Variants in USP9X observed in about 807,000 individuals in gnomAD.
The protein encoded by USP9X is ubiquitin carboxyl-terminal hydrolase 9X.
In USP9X, 7 loss-of-function variants were observed where a neutral mutation model predicts 190.3. That is an observed-to-expected ratio of 0.04 (90% CI 0.02 to 0.07). The LOEUF is 0.07. USP9X is among the 10% of genes least tolerant of loss of function. The probability of loss-of-function intolerance (pLI) is 1.00; values close to 1 mark genes in which losing one functional copy is unlikely to be tolerated. For synonymous variants in USP9X, 645 were observed against 659.5 expected (o/e 0.98, Z 0.34); for missense variants, 1,010 against 1,916.9 (o/e 0.53, Z 8.83).
chrX:41,097,752 A>G (rs1448048739), intron 1 of USP9X, among the ~76,000 whole-genome samples: 1 of 111,650 alleles, frequency 9.0e-6, no homozygotes, highest in Non-Finnish European at 1.9e-5. Context: ...TTGCGATATA[A>G]TACGTCATAT....
intron 9 of USP9X, among the ~76,000 whole-genome samples, chrX:41,142,380 G>A (rs779218103): frequency 4.5e-5 from 5 of 111,421 alleles, no homozygotes; most frequent in East Asian, 2.8e-4. Context: ...AGTGGCTCAC[G>A]CATGTAATCC....
At chrX:41,099,096 GT>G (rs34179321) in intron 1 of USP9X, among the ~76,000 whole-genome samples, 707 of 44,245 alleles carry the variant, frequency 0.016, 27 homozygotes, top group African/African-American at 0.067. Context: ...CCAGATAATT[GT>G]TTTTTTTTTT....
intron 20 of USP9X, 174 bp from the exon 21 acceptor site, chrX:41,171,664 A>G (rs1601997870): frequency 1.8e-6 from 1 of 555,570 alleles, no homozygotes; most frequent in East Asian, 3.8e-5. Flanking sequence ...GATGTATTTG[A>G]TCTGCACTAT....
chrX:41,132,810 A>G (rs929115231), intron 4 of USP9X, among the ~76,000 whole-genome samples: 4 of 109,771 alleles, frequency 3.6e-5, no homozygotes, highest in African/African-American at 1.3e-4. Flanking sequence ...GAATCGGAAG[A>G]TGAAGTCTCA....
chrX:41,106,414 A>G (rs746220081), intron 1 of USP9X, among the ~76,000 whole-genome samples: 28 of 110,764 alleles, frequency 2.5e-4, no homozygotes, highest in Non-Finnish European at 4.3e-4. Flanking sequence ...ATATGCAGTC[A>G]TACTGTTTTC....
Position 41,216,066 on chromosome X carries a change from A to C in USP9X, c.5499A>C (p.Ala1833=). 8.3e-7 allele frequency: 1 copy of C among 1,211,916 alleles called. No homozygotes were observed. Among genetic ancestry groups the C allele is most frequent in the East Asian group, 3.0e-5 (1 of 33,878 alleles). Reference sequence around the variant, plus strand: ...AACCTTACACAGTTGCAGGTGTCGCAAAGCTGGAAGGGGATAATGTAAACC... The same window carrying C: ...AACCTTACACAGTTGCAGGTGTCGCCAAGCTGGAAGGGGATAATGTAAACC... ...DMEPYTVAGV[A]KLEGDNVNPE... is the part of the protein sequence containing the mutation. Residue 1833 remains alanine (A), a synonymous_variant, in exon 35 of 45, where the codon GCA becomes GCC. Transcript: ENST00000378308.
intron 26 of USP9X, among the ~76,000 whole-genome samples, chrX:41,192,641 G>A (rs1453493779): frequency 9.0e-6 from 1 of 111,595 alleles, no homozygotes; most frequent in Non-Finnish European, 1.9e-5. Flanking sequence ...GAAGGCCTAT[G>A]GTGCTAAGGT....
chrX:41,118,244 C>G, intron 1 of USP9X, among the ~76,000 whole-genome samples: 1 of 111,453 alleles, frequency 9.0e-6, no homozygotes, highest in East Asian at 2.8e-4. Flanking sequence ...TCCAGAACTT[C>G]TCTTCTTTCC....
rs778305488 is a variant in USP9X at position 41,148,476 on chromosome X, C to T, written c.1527C>T (p.Asn509=). 3.4e-5 allele frequency: 41 copies of T among 1,211,712 alleles called. No individual in the cohort carries two copies. The highest frequency in any genetic ancestry group is 4.6e-5 in the Non-Finnish European group (41 of 895,452). The change falls in exon 12 of 45, where the codon AAC becomes AAT. Residue 509 remains asparagine, a synonymous_variant. Coordinates refer to ENST00000378308, the MANE Select transcript of USP9X (RefSeq NM_001039591.3). ...KDGVMAHKVL[N]LLWNLAHSDD... ...GTGTGATGGCACACAAAGTGTTGAACCTTCTGTGGAATCTGGCTCACAGTG... is the reference window on the plus strand; with the variant it reads ...GTGTGATGGCACACAAAGTGTTGAATCTTCTGTGGAATCTGGCTCACAGTG...
chrX:41,194,125 C>G, intron 26 of USP9X, among the ~76,000 whole-genome samples: 1 of 111,964 alleles, frequency 8.9e-6, no homozygotes, highest in South Asian at 3.7e-4. Context: ...ATTCTACCTC[C>G]AAAAATTTTA....
chrX:41,203,562 C>T (rs1419852662), intron 31 of USP9X, among the ~76,000 whole-genome samples: 1 of 111,979 alleles, frequency 8.9e-6, no homozygotes, highest in African/African-American at 3.2e-5. Flanking sequence ...GGTTGCTTCC[C>T]CATTTGAGCT....
chrX:41,189,416 T>C lies in USP9X; in HGVS notation c.3918T>C (p.Leu1306=). The part of the protein sequence containing the change: ...FALIPTALDA[L]SKEKAWQTFI... ...TGATTCCAACAGCCTTAGATGCTCT[T>C]AGTAAAGAAAAGGCTTGGCAGACAT... is the stretch of plus-strand genomic sequence containing the variant. Residue 1306 remains leucine (L), a synonymous_variant, in exon 26 of 45, where the codon CTT becomes CTC. Transcript: ENST00000378308. The C allele has an allele frequency of 4.1e-6, 5 of 1,211,167 alleles. No individual in the cohort carries two copies. The highest frequency in any genetic ancestry group is 5.6e-6 in the Non-Finnish European group (5 of 894,804).
intron 1 of USP9X, among the ~76,000 whole-genome samples, chrX:41,101,786 T>C: frequency 8.9e-6 from 1 of 112,962 alleles, no homozygotes; most frequent in Non-Finnish European, 1.9e-5. Context: ...CAAATGTCCA[T>C]TGTCCATCAA....
At position 41,233,265 on chromosome X, in the gene USP9X, CAG is replaced by C. The variant is rs1944711531; in HGVS notation, c.*744_*745del. 1 of 111,880 alleles carries C rather than the reference CAG, an allele frequency of 8.9e-6. No individual in the cohort carries two copies. The highest frequency in any genetic ancestry group is 3.2e-5 in the African/African-American group (1 of 30,799). The allele number at this position is 111,880 out of a possible 1,213,427, so 9.2% of individuals were successfully genotyped here. A position where few individuals can be genotyped will look rare whatever the true frequency, so the allele number is the denominator to read the frequency against. The stretch of plus-strand genomic sequence containing the variant: ...TCCGAGAAGTGACAGCTGTATTACT[CAG>C]AGCTTTTACTTCTTACACCTAGAAT... On this transcript the variant is annotated 3_prime_UTR_variant, in exon 45 of 45. Transcript: ENST00000378308.
Position 41,168,137 on chromosome X carries a change from G to A in USP9X, c.2555G>A (p.Arg852Gln). 2 of 1,211,012 alleles carry A rather than the reference G, an allele frequency of 1.7e-6. No individual in the cohort carries two copies. Among genetic ancestry groups the A allele is most frequent in the Non-Finnish European group, 2.2e-6 (2 of 895,108 alleles). Residue 852 changes from arginine to glutamine, a missense_variant, in exon 18 of 45, where the codon CGA (arginine) becomes CAA (glutamine). By Grantham distance (43) the Arg-to-Gln change is conservative. Coordinates refer to ENST00000378308, the MANE Select transcript of USP9X (RefSeq NM_001039591.3). ...AGACAGGAAGCTGTTCGAATGGTTCGAGTATTAACTGTTTTAAGGGAATAT... is the reference window on the plus strand; with the variant it reads ...AGACAGGAAGCTGTTCGAATGGTTCAAGTATTAACTGTTTTAAGGGAATAT... Reference protein sequence around the residue: ...CARQEAVRMVRVLTVLREYIN... With the variant: ...CARQEAVRMVQVLTVLREYIN...
intron 1 of USP9X, among the ~76,000 whole-genome samples, chrX:41,089,525 A>G (rs2061937798): frequency 8.9e-6 from 1 of 111,755 alleles, no homozygotes; most frequent in African/African-American, 3.3e-5. Context: ...GCTCAGGGTG[A>G]TAGTTTAGTT....
chrX:41,085,801 C>A lies in USP9X; in HGVS notation c.-467C>A. 3.3e-6 allele frequency: 1 copy of A among 298,789 alleles called. No homozygotes were observed. 24.6% of individuals were successfully genotyped at this position (298,789 alleles called of 1,213,427 possible). On this transcript the variant is annotated 5_prime_UTR_variant, in exon 1 of 45. Transcript: ENST00000378308. ...GGTGACGCAGGAGAAACGCACCGCC[C>A]GGAGCCCGTCTGAGCTCAGCGAGAG...
chrX:41,099,277 T>C (rs1290053803), intron 1 of USP9X, among the ~76,000 whole-genome samples: 1 of 109,007 alleles, frequency 9.2e-6, no homozygotes, highest in East Asian at 2.9e-4. Flanking sequence ...TTCACCAATA[T>C]AAAGAATGTT....
At chrX:41,115,920 A>G (rs1264596080) in intron 1 of USP9X, among the ~76,000 whole-genome samples, 7 of 111,985 alleles carry the variant, frequency 6.3e-5, no homozygotes, top group Non-Finnish European at 9.4e-5. Flanking sequence ...TGGGTAAGAA[A>G]GGATAATTCT....
Sources: allele counts gnomAD v4.1 joint callset (sites outside exome capture counted in the v4.1 genomes callset), GRCh38; gene constraint gnomAD v4.1.1; transcripts MANE v1.5; gene names NCBI Gene and HGNC (gene_info 2026-07-23, HGNC 2026-07-21).